Variants in NOS1AP observed in about 807,000 individuals in gnomAD.
NOS1AP encodes carboxyl-terminal PDZ ligand of neuronal nitric oxide synthase protein.
A neutral mutation model predicts 56.2 loss-of-function variants in NOS1AP; 21 were observed. The ratio of observed to expected loss-of-function variants is 0.37; its 90% CI spans 0.26 to 0.54. NOS1AP has a LOEUF of 0.54. Ranked by LOEUF, NOS1AP falls within the 20% of genes least tolerant of loss-of-function variation. The pLI, the probability that NOS1AP is intolerant of heterozygous loss-of-function variation, is 0.84. For synonymous variants in NOS1AP, 270 were observed against 274.6 expected, an observed-to-expected ratio of 0.98 and a Z score of 0.17; for missense variants, 522 against 657.8, an observed-to-expected ratio of 0.79 and a Z score of 2.26.
At chr1:162,075,853 A>C (rs1443213199) in intron 1 of NOS1AP, among the ~76,000 whole-genome samples, 1 of 151,882 alleles carries the variant, frequency 6.6e-6, no homozygotes, top group East Asian at 1.9e-4. Context: ...TTGTCCTTAC[A>C]TTGCTCTCAG....
chr1:162,257,921 C>T (rs987794674), intron 2 of NOS1AP, among the ~76,000 whole-genome samples: 1 of 152,114 alleles, frequency 6.6e-6, no homozygotes, highest in African/African-American at 2.4e-5. Context: ...TCAGAGAGGA[C>T]ATTTCCCGCT....
intron 1 of NOS1AP, among the ~76,000 whole-genome samples, chr1:162,106,632 A>G (rs1333398140): frequency 6.6e-6 from 1 of 152,258 alleles, no homozygotes; most frequent in Non-Finnish European, 1.5e-5. Context: ...ATGGCTTATA[A>G]TACTATGAAA....
chr1:162,194,146 C>T (rs1346374585), intron 2 of NOS1AP, among the ~76,000 whole-genome samples: 1 of 152,172 alleles, frequency 6.6e-6, no homozygotes, highest in Non-Finnish European at 1.5e-5. Flanking sequence ...TTTTCGTCTC[C>T]ATCTGGTTTT....
chr1:162,355,448 G>C, intron 7 of NOS1AP, 95 bp downstream of exon 7: 3 of 1,444,892 alleles, frequency 2.1e-6, no homozygotes, highest in Non-Finnish European at 2.9e-6. Flanking sequence ...TTCCGAGTGA[G>C]GCACTCCATG....
At chr1:162,308,678 G>A (rs1301298944) in intron 4 of NOS1AP, among the ~76,000 whole-genome samples, 1 of 152,212 alleles carries the variant, frequency 6.6e-6, no homozygotes, top group Non-Finnish European at 1.5e-5. Context: ...TCGTGCTGCT[G>A]TACAGGAGAT....
intron 5 of NOS1AP, among the ~76,000 whole-genome samples, chr1:162,333,400 T>C (rs921501806): frequency 6.6e-6 from 1 of 152,194 alleles, no homozygotes; most frequent in Non-Finnish European, 1.5e-5. Flanking sequence ...ATGCTAACCT[T>C]AGCCTTGGGG....
intron 2 of NOS1AP, among the ~76,000 whole-genome samples, chr1:162,246,007 A>G (rs1320764328): frequency 6.6e-6 from 1 of 152,196 alleles, no homozygotes; most frequent in African/African-American, 2.4e-5. Context: ...ATTGGTTACT[A>G]TTGACCTCTC....
chr1:162,293,889 G>A (rs1295846760), intron 3 of NOS1AP, among the ~76,000 whole-genome samples: 1 of 152,202 alleles, frequency 6.6e-6, no homozygotes, highest in Non-Finnish European at 1.5e-5. Context: ...TAATCTAAAA[G>A]CATTATGTAG....
intron 1 of NOS1AP, among the ~76,000 whole-genome samples, chr1:162,076,151 C>A (rs1157616343): frequency 2.0e-5 from 3 of 152,150 alleles, no homozygotes; most frequent in Non-Finnish European, 4.4e-5. Flanking sequence ...TAATTACCTG[C>A]CTTCCCTTTA....
chr1:162,191,014 T>A (rs1004879208), intron 2 of NOS1AP, among the ~76,000 whole-genome samples: 8 of 152,288 alleles, frequency 5.3e-5, no homozygotes, highest in African/African-American at 1.9e-4. Flanking sequence ...TGGCTCCCTA[T>A]CGTGTTACTT....
At chr1:162,309,013 A>G (rs572112806) in intron 4 of NOS1AP, among the ~76,000 whole-genome samples, 71 of 152,340 alleles carry the variant, frequency 4.7e-4, no homozygotes, top group Non-Finnish European at 8.4e-4. Context: ...CTCTGTGCTC[A>G]GTGCTATCCA....
intron 4 of NOS1AP, among the ~76,000 whole-genome samples, chr1:162,301,718 T>G (rs1333851056): frequency 6.6e-6 from 1 of 152,216 alleles, no homozygotes; most frequent in Non-Finnish European, 1.5e-5. Flanking sequence ...TAAGCCCCAC[T>G]TCCTTCCTGT....
intron 2 of NOS1AP, among the ~76,000 whole-genome samples, chr1:162,284,796 G>T (rs1571189792): frequency 6.6e-6 from 1 of 152,346 alleles, no homozygotes; most frequent in Middle Eastern, 3.4e-3. Flanking sequence ...AGCTGGCTGG[G>T]TGCCTCTTGC....
At chr1:162,227,819 GCA>G (rs1652990295) in intron 2 of NOS1AP, among the ~76,000 whole-genome samples, 1 of 152,068 alleles carries the variant, frequency 6.6e-6, no homozygotes, top group African/African-American at 2.4e-5. Context: ...ACAAATTTCT[GCA>G]CTCATGGAAA....
At chr1:162,362,924 G>T in intron 8 of NOS1AP, 1 of 974,098 alleles carries the variant, frequency 1.0e-6, no homozygotes, top group Non-Finnish European at 1.2e-6. Flanking sequence ...TTTCCCTGTT[G>T]AGTGGATATA....
intron 4 of NOS1AP, among the ~76,000 whole-genome samples, chr1:162,318,745 C>G (rs112270458): frequency 6.6e-6 from 1 of 152,088 alleles, no homozygotes; most frequent in Non-Finnish European, 1.5e-5. Flanking sequence ...CACTCTATCC[C>G]CTCCATCCCT....
intron 1 of NOS1AP, among the ~76,000 whole-genome samples, chr1:162,085,918 T>C (rs1393034404): frequency 6.6e-6 from 1 of 152,156 alleles, no homozygotes; most frequent in Admixed American, 6.5e-5. Flanking sequence ...GGGTGCTATT[T>C]TTCCTCTTTT....
intron 2 of NOS1AP, among the ~76,000 whole-genome samples, chr1:162,246,279 G>A (rs10918968): frequency 0.017 from 2,526 of 152,260 alleles, 62 homozygotes; most frequent in African/African-American, 0.057. Context: ...GCCCAGTCCT[G>A]TCTTTAAACA....
At chr1:162,141,075 A>G (rs1474465657) in intron 1 of NOS1AP, among the ~76,000 whole-genome samples, 2 of 152,184 alleles carry the variant, frequency 1.3e-5, no homozygotes, top group African/African-American at 2.4e-5. Context: ...GTTTGTTTAC[A>G]GTCTCTTTTA....
Sources: gnomAD v4.1 joint callset for allele counts (sites outside exome capture counted in the v4.1 genomes callset) on GRCh38, gnomAD v4.1.1 for gene constraint, MANE v1.5 for transcripts, NCBI Gene and HGNC (gene_info 2026-07-23, HGNC 2026-07-21) for gene names.